The following CRISPLD2 variants were observed in gnomAD, a reference collection of about 807,000 sequenced individuals.
CRISPLD2 encodes the protein cysteine rich secretory protein LCCL domain containing 2.
Under a neutral mutation model 71.1 loss-of-function variants are expected in CRISPLD2, and 47 were observed. The ratio of observed to expected loss-of-function variants is 0.66; its 90% CI spans 0.52 to 0.84. CRISPLD2 has a LOEUF of 0.84. Ranked by LOEUF, CRISPLD2 falls within the 40% of genes least tolerant of loss-of-function variation. The pLI, the probability that CRISPLD2 is intolerant of heterozygous loss-of-function variation, is 0.00. For synonymous variants in CRISPLD2, 317 were observed against 250.1 expected (o/e 1.27, Z -2.52); for missense variants, 830 against 651.1 (o/e 1.27, Z -2.99).
At chr16:84,849,831 C>T (rs1173709688) in intron 4 of CRISPLD2, among the ~76,000 whole-genome samples, 2 of 150,816 alleles carry the variant, frequency 1.3e-5, no homozygotes, top group African/African-American at 2.4e-5. Flanking sequence ...AATCCTCCCA[C>T]CTCAGCCTCC....
chr16:84,869,902 T>A (rs1176001787), intron 8 of CRISPLD2, among the ~76,000 whole-genome samples: 1 of 152,166 alleles, frequency 6.6e-6, no homozygotes, highest in African/African-American at 2.4e-5. Flanking sequence ...ACATTCCTTG[T>A]CAGACAACAT....
chr16:84,859,393 C>A (rs2646102), intron 6 of CRISPLD2, among the ~76,000 whole-genome samples: 4 of 152,204 alleles, frequency 2.6e-5, no homozygotes, highest in Non-Finnish European at 2.9e-5. Flanking sequence ...CCAGTAGTCC[C>A]CAAAATGTCT....
At chr16:84,829,676 C>T (rs1038442082) in intron 1 of CRISPLD2, among the ~76,000 whole-genome samples, 4 of 152,232 alleles carry the variant, frequency 2.6e-5, no homozygotes, top group East Asian at 1.9e-4. Flanking sequence ...GCTGCGTGGA[C>T]GACCCAGGAC....
intron 1 of CRISPLD2, among the ~76,000 whole-genome samples, chr16:84,837,216 A>G (rs1916642370): frequency 6.6e-6 from 1 of 152,116 alleles, no homozygotes; most frequent in African/African-American, 2.4e-5. Context: ...CATTTTTCAG[A>G]TGGCAAGCCA....
At chr16:84,890,835 G>T (rs2071655558) in intron 14 of CRISPLD2, among the ~76,000 whole-genome samples, 1 of 152,160 alleles carries the variant, frequency 6.6e-6, no homozygotes, top group Non-Finnish European at 1.5e-5. Flanking sequence ...CCCTAGAAGT[G>T]AAATTCCTAA....
chr16:84,835,507 C>T (rs1916597514), intron 1 of CRISPLD2, among the ~76,000 whole-genome samples: 2 of 152,166 alleles, frequency 1.3e-5, no homozygotes, highest in Non-Finnish European at 2.9e-5. Context: ...CACCCCCAGG[C>T]CCTCTGGGCT....
At position 84,868,923 on chromosome 16, in the gene CRISPLD2, C is replaced by G; in HGVS notation, c.914+12C>G. ...TCCACGTGTAACAGGTGAGCCTGTGCTGGGCTGTCCTGCCACTGTAGCCTC... is the reference window on the plus strand; with the variant it reads ...TCCACGTGTAACAGGTGAGCCTGTGGTGGGCTGTCCTGCCACTGTAGCCTC... On this transcript the variant is annotated intron_variant, in intron 8 of 14. Coordinates refer to ENST00000262424, the MANE Select transcript of CRISPLD2 (RefSeq NM_031476.4). The G allele has an allele frequency of 6.6e-7, 1 of 1,525,744 alleles. No homozygotes were observed. The highest frequency in any genetic ancestry group is 9.0e-7 in the Non-Finnish European group (1 of 1,115,410). 94.5% of individuals were successfully genotyped at this position (1,525,744 alleles called of 1,614,324 possible).
At chr16:84,853,193 C>G (rs1435614000) in intron 5 of CRISPLD2, among the ~76,000 whole-genome samples, 2 of 152,074 alleles carry the variant, frequency 1.3e-5, no homozygotes, top group Admixed American at 1.3e-4. Flanking sequence ...AATATAGAAC[C>G]GTAGACACAA....
intron 11 of CRISPLD2, among the ~76,000 whole-genome samples, chr16:84,876,645 T>C (rs575643667): frequency 1.3e-5 from 2 of 151,892 alleles, no homozygotes; most frequent in African/African-American, 2.4e-5. Flanking sequence ...ATACAAAAAT[T>C]AGCTGGCTGT....
chr16:84,862,419 C>A (rs903994214), intron 6 of CRISPLD2, among the ~76,000 whole-genome samples: 7 of 152,122 alleles, frequency 4.6e-5, no homozygotes, highest in Admixed American at 3.9e-4. Context: ...AGGCTGGTCT[C>A]AAACTCCCAA....
intron 14 of CRISPLD2, among the ~76,000 whole-genome samples, chr16:84,893,557 C>T (rs1447897006): frequency 6.6e-6 from 1 of 152,214 alleles, no homozygotes; most frequent in Non-Finnish European, 1.5e-5. Context: ...CAGACCTCTG[C>T]CGTCATGGGA....
intron 1 of CRISPLD2, among the ~76,000 whole-genome samples, chr16:84,824,148 C>G (rs969717830): frequency 7.9e-5 from 12 of 152,074 alleles, no homozygotes; most frequent in African/African-American, 2.2e-4. Context: ...CGAGGGTGCC[C>G]CAGGCAGAGG....
chr16:84,848,054 T>TC (rs1567685780), intron 3 of CRISPLD2, among the ~76,000 whole-genome samples: 1 of 152,188 alleles, frequency 6.6e-6, no homozygotes, highest in East Asian at 1.9e-4. Flanking sequence ...CACACAGACT[T>TC]CCCCCTTTCT....
chr16:84,869,234 G>A (rs761700551), intron 8 of CRISPLD2, among the ~76,000 whole-genome samples: 1 of 152,118 alleles, frequency 6.6e-6, no homozygotes, highest in East Asian at 1.9e-4. Flanking sequence ...GATGATGAAC[G>A]CTGTCTGCCA....
intron 1 of CRISPLD2, among the ~76,000 whole-genome samples, chr16:84,835,633 C>A (rs1434244665): frequency 6.6e-6 from 1 of 152,202 alleles, no homozygotes; most frequent in Non-Finnish European, 1.5e-5. Flanking sequence ...CTTGGAGAAA[C>A]CCTCCCATTC....
At chr16:84,855,745 A>G (rs912656837) in intron 6 of CRISPLD2, among the ~76,000 whole-genome samples, 6 of 152,214 alleles carry the variant, frequency 3.9e-5, no homozygotes, top group Non-Finnish European at 7.3e-5. Flanking sequence ...GAGATCATAC[A>G]TAATCTTCAA....
intron 6 of CRISPLD2, among the ~76,000 whole-genome samples, chr16:84,857,925 TTTATGGC>T (rs1917285272): frequency 6.6e-6 from 1 of 152,210 alleles, no homozygotes; most frequent in Non-Finnish European, 1.5e-5. Flanking sequence ...CACGACCCGC[TTTATGGC>T]TCGATGGGTC....
intron 2 of CRISPLD2, 132 bp downstream of exon 2, chr16:84,838,867 G>A (rs1018585436): frequency 6.1e-6 from 7 of 1,151,294 alleles, no homozygotes; most frequent in South Asian, 1.3e-5. Context: ...CCTCTGGCAG[G>A]GGAGGATCCC....
rs542786251 is a variant in CRISPLD2 at position 84,860,484 on chromosome 16, G to A, written c.709+5655G>A. Among the ~76,000 whole-genome samples, 22 of 152,316 alleles carry A rather than the reference G, an allele frequency of 1.4e-4. No homozygotes were observed. The East Asian group carries it at 1.7e-3, about 12-fold the overall frequency. Reference sequence around the variant, plus strand: ...AGGTCTAGAAGCAAACAGGGATGTTGGGGTTGGCTCCTGAGGAGAATCAGC... The same window carrying A: ...AGGTCTAGAAGCAAACAGGGATGTTAGGGTTGGCTCCTGAGGAGAATCAGC... On this transcript the variant is annotated intron_variant, in intron 6 of 14. Transcript: ENST00000262424.
Sources: gnomAD v4.1 joint callset for allele counts (sites outside exome capture counted in the v4.1 genomes callset) on GRCh38, gnomAD v4.1.1 for gene constraint, MANE v1.5 for transcripts, NCBI Gene and HGNC (gene_info 2026-07-23, HGNC 2026-07-21) for gene names.